ENPP2: variants seen among roughly 807,000 people sequenced by gnomAD.
ENPP2 encodes the protein autotaxin.
ENPP2 carries 51 observed loss-of-function variants against 120.2 expected under a neutral mutation model. The observed-to-expected ratio is 0.42, with a 90% CI of 0.34 to 0.54. ENPP2 has a LOEUF of 0.54. Ranked by LOEUF, ENPP2 falls within the 20% of genes least tolerant of loss-of-function variation. The pLI is 0.04. For synonymous variants in ENPP2, 365 were observed against 366.4 expected (o/e 1.00, Z 0.04); for missense variants, 920 against 1,066.5 (o/e 0.86, Z 1.91).
intron 1 of ENPP2, among the ~76,000 whole-genome samples, chr8:119,669,133 GA>G (rs1355530338): frequency 6.6e-6 from 1 of 152,154 alleles, no homozygotes; most frequent in Non-Finnish European, 1.5e-5. Context: ...CAATGATGCT[GA>G]ATAAACAGGA....
chr8:119,619,146 T>C (rs1434212586), intron 5 of ENPP2, 98 bp downstream of exon 5: 1 of 901,726 alleles, frequency 1.1e-6, no homozygotes, highest in African/African-American at 1.6e-5. Flanking sequence ...TAAGAGAATT[T>C]CAGTTCCACA....
intron 1 of ENPP2, among the ~76,000 whole-genome samples, chr8:119,654,834 C>A (rs1817724051): frequency 6.6e-6 from 1 of 152,174 alleles, no homozygotes; most frequent in Non-Finnish European, 1.5e-5. Flanking sequence ...AACATCTAAG[C>A]TTCTTTCCAA....
At chr8:119,639,930 T>C (rs902716106), upstream of ENPP2, among the ~76,000 whole-genome samples, 10 of 152,212 alleles carry the variant, frequency 6.6e-5, no homozygotes, top group Non-Finnish European at 1.0e-4. Context: ...AGATTTGTTT[T>C]TGGCCTCTTC....
chr8:119,587,672 A>G (rs1813210640), intron 13 of ENPP2, among the ~76,000 whole-genome samples: 1 of 152,216 alleles, frequency 6.6e-6, no homozygotes, highest in African/African-American at 2.4e-5. Flanking sequence ...AAAAGATTTT[A>G]GTCAATACTC....
intron 11 of ENPP2, among the ~76,000 whole-genome samples, chr8:119,595,607 T>C (rs1032354656): frequency 6.6e-6 from 1 of 152,232 alleles, no homozygotes; most frequent in African/African-American, 2.4e-5. Context: ...ATACTAGTTT[T>C]AGGGCAACTA....
In ENPP2 at chr8:119,583,813, A is replaced by C; in HGVS notation, c.1456-9T>G. 1.9e-6 allele frequency: 3 copies of C among 1,563,002 alleles called. No homozygotes were observed. Among genetic ancestry groups the C allele is most frequent in the Non-Finnish European group, 1.8e-6 (2 of 1,138,674 alleles). On this transcript the variant is annotated splice_polypyrimidine_tract_variant and intron_variant, in intron 16 of 24. Coordinates refer to ENST00000075322, the MANE Select transcript of ENPP2 (RefSeq NM_001040092.3). ...TAACCTACAAAAACAGTCTTCCAAA[A>C]GAAAAGAAAAACAAAAACAGTTAAG...
intron 11 of ENPP2, among the ~76,000 whole-genome samples, chr8:119,596,645 C>T (rs1475377365): frequency 6.6e-6 from 1 of 152,178 alleles, no homozygotes; most frequent in African/African-American, 2.4e-5. Context: ...AGAGAGAACT[C>T]ACTGACAATT....
chr8:119,618,960 T>C (rs1294436764), intron 5 of ENPP2, among the ~76,000 whole-genome samples: 1 of 152,084 alleles, frequency 6.6e-6, no homozygotes, highest in East Asian at 1.9e-4. Context: ...AGCCAGAATA[T>C]TCAGATGCAC....
At chr8:119,610,118 T>C (rs1045031768) in intron 8 of ENPP2, among the ~76,000 whole-genome samples, 2 of 152,198 alleles carry the variant, frequency 1.3e-5, no homozygotes, top group Non-Finnish European at 2.9e-5. Context: ...GTTCTTTATA[T>C]TTTTCTGTAC....
rs1032629036 is a variant in ENPP2, at chr8:119,574,389, G to A, written c.1781-3548C>T. 5.3e-5 allele frequency among the ~76,000 whole-genome samples: 8 copies of A among 151,116 alleles called. No homozygotes were observed. The South Asian group carries it at 1.3e-3, about 24-fold the overall frequency. ...TATGTTTCTGGGATTTCTTCACGTGGATCTAGTATAACCTGGTCTTCCCAG... is the reference window on the plus strand; with the variant it reads ...TATGTTTCTGGGATTTCTTCACGTGAATCTAGTATAACCTGGTCTTCCCAG... On this transcript the variant is annotated intron_variant, in intron 19 of 24. Transcript: ENST00000075322.
intron 11 of ENPP2, among the ~76,000 whole-genome samples, chr8:119,598,427 ATC>A (rs1185940145): frequency 6.6e-6 from 1 of 152,186 alleles, no homozygotes; most frequent in African/African-American, 2.4e-5. Context: ...TATAGGAAAA[ATC>A]TCTGTTTATA....
At chr8:119,644,609 TATATATATATATATATACAC>T (rs1171448493) in intron 1 of ENPP2, among the ~76,000 whole-genome samples, 1 of 101,588 alleles carries the variant, frequency 9.8e-6, no homozygotes, top group East Asian at 3.2e-4. Flanking sequence ...TATATATATA[TATATATATATATATATACAC>T]ACACACACAC....
chr8:119,628,549 G>A (rs1816439321), intron 2 of ENPP2, among the ~76,000 whole-genome samples: 1 of 152,118 alleles, frequency 6.6e-6, no homozygotes, highest in Non-Finnish European at 1.5e-5. Context: ...TCCATAAGTG[G>A]ACTATTGCAC....
chr8:119,617,776 C>T (rs551245493), intron 5 of ENPP2, among the ~76,000 whole-genome samples: 80 of 152,138 alleles, frequency 5.3e-4, no homozygotes, highest in Middle Eastern at 3.4e-3. Context: ...GGTGAAACCC[C>T]CATCTCTACT....
chr8:119,588,683 T>TAAATC (rs1563701690), intron 13 of ENPP2, among the ~76,000 whole-genome samples: 1 of 152,060 alleles, frequency 6.6e-6, no homozygotes, highest in African/African-American at 2.4e-5. Context: ...AGCAACCTGA[T>TAAATC]TGAGCAAGCC....
At chr8:119,574,077 A>G (rs1812166133) in intron 19 of ENPP2, among the ~76,000 whole-genome samples, 1 of 152,192 alleles carries the variant, frequency 6.6e-6, no homozygotes. Flanking sequence ...AAGAGGGGGA[A>G]ATAATCTCTG....
chr8:119,567,451 C>G (rs1225988476), intron 22 of ENPP2, among the ~76,000 whole-genome samples: 2 of 152,206 alleles, frequency 1.3e-5, no homozygotes, highest in Non-Finnish European at 1.5e-5. Context: ...TATGATCACA[C>G]AGCCTGTGGT....
intron 1 of ENPP2, among the ~76,000 whole-genome samples, chr8:119,666,204 T>C (rs1274895776): frequency 6.6e-6 from 1 of 152,204 alleles, no homozygotes; most frequent in Non-Finnish European, 1.5e-5. Context: ...TAGATAATTT[T>C]TGTTTCTTCT....
intron 8 of ENPP2, among the ~76,000 whole-genome samples, chr8:119,613,425 A>G (rs1815245612): frequency 6.6e-6 from 1 of 152,232 alleles, no homozygotes; most frequent in South Asian, 2.1e-4. Flanking sequence ...ATGCTAGGAC[A>G]AGAAGTGGCT....
Sources: gnomAD v4.1 joint callset for allele counts (sites outside exome capture counted in the v4.1 genomes callset) on GRCh38, gnomAD v4.1.1 for gene constraint, MANE v1.5 for transcripts, NCBI Gene and HGNC (gene_info 2026-07-23, HGNC 2026-07-21) for gene names.